GALNT10: variants seen among roughly 807,000 people sequenced by gnomAD.
GALNT10 encodes polypeptide N-acetylgalactosaminyltransferase 10.
A neutral mutation model predicts 75.0 loss-of-function variants in GALNT10; 41 were observed. That is an observed-to-expected ratio of 0.55 (90% CI 0.43 to 0.71). GALNT10 has a LOEUF of 0.71. GALNT10 is among the 30% of genes least tolerant of loss of function. The pLI is 0.00. For missense variants in GALNT10, 727 were observed against 818.5 expected, an observed-to-expected ratio of 0.89 and a Z score of 1.36; for synonymous variants, 302 against 313.0, an observed-to-expected ratio of 0.96 and a Z score of 0.37.
In GALNT10 at chr5:154,409,938, G is replaced by A. The variant is rs1756362168; in HGVS notation, c.1386+176G>A. On this transcript the variant is annotated intron_variant, in intron 9 of 11. Transcript: ENST00000297107. The surrounding 1 kb of genome is among the most constrained non-coding windows in gnomAD (Gnocchi z 4.5). ...TGTCATGGTGTATTTTTACTTGTTAGTTAGTGTTCTCAGTGTAGAAAAATT... is the reference window on the plus strand; with the variant it reads ...TGTCATGGTGTATTTTTACTTGTTAATTAGTGTTCTCAGTGTAGAAAAATT... 6.6e-6 allele frequency among the ~76,000 whole-genome samples: 1 copy of A among 152,122 alleles called. No individual in the cohort carries two copies. Among genetic ancestry groups the A allele is most frequent in the African/African-American group, 2.4e-5 (1 of 41,436 alleles).
At chr5:154,349,572 T>C (rs1442742131) in intron 4 of GALNT10, 1 of 151,984 alleles carries the variant, frequency 6.6e-6, no homozygotes, top group Non-Finnish European at 1.5e-5. Context: ...GGTGACCTCC[T>C]AGGAGCAGGG....
At chr5:154,248,675 A>G (rs565388598) in intron 1 of GALNT10, among the ~76,000 whole-genome samples, 59 of 152,164 alleles carry the variant, frequency 3.9e-4, no homozygotes, top group Non-Finnish European at 7.5e-4. Flanking sequence ...ATCATTTTTT[A>G]TTGCGTCTAT....
chr5:154,381,728 T>C (rs1306955753), intron 6 of GALNT10, among the ~76,000 whole-genome samples: 1 of 152,200 alleles, frequency 6.6e-6, no homozygotes, highest in Non-Finnish European at 1.5e-5. Context: ...ATTCCTTGGC[T>C]CATGGCCCCT....
At chr5:154,289,309 C>T (rs1052205183) in intron 1 of GALNT10, among the ~76,000 whole-genome samples, 1 of 152,200 alleles carries the variant, frequency 6.6e-6, no homozygotes, top group African/African-American at 2.4e-5. Context: ...GGAAATTGGG[C>T]TCCACCTGCC....
At chr5:154,191,057 AC>A in intron 1 of GALNT10, 32 bp downstream of exon 1, 2 of 1,350,470 alleles carry the variant, frequency 1.5e-6, no homozygotes, top group Admixed American at 2.8e-5. Flanking sequence ...GGCCGGGAAC[AC>A]CCCCTTCCCG....
intron 4 of GALNT10, among the ~76,000 whole-genome samples, chr5:154,363,492 GAAAAAAAAAAAAAAA>G (rs57710576): frequency 4.0e-4 from 15 of 37,520 alleles, no homozygotes; most frequent in East Asian, 1.1e-3. Flanking sequence ...GCGTTTATCT[GAAAAAAAAAAAAAAA>G]AAAAAAAAAA....
rs34086082 is a variant in GALNT10 at position 154,310,441 on chromosome 5, G to GTT, written c.401+12372_401+12373dup. Reference sequence around the variant, plus strand: ...TTTGGACCATCACTGGGTTTTTTTTGTTTTTTTTTTTGTTTGTTTGTTTGT... The same window carrying GTT: ...TTTGGACCATCACTGGGTTTTTTTTGTTTTTTTTTTTTTGTTTGTTTGTTTGT... On this transcript the variant is annotated intron_variant, in intron 3 of 11. Transcript: ENST00000297107. Among the ~76,000 whole-genome samples, 155 of 149,652 alleles carry GTT rather than the reference G, an allele frequency of 1.0e-3. 1 individual carries two copies. The highest frequency in any genetic ancestry group is 3.8e-3 in the African/African-American group (152 of 40,246).
At chr5:154,401,849 G>GTTTT (rs1756173164) in intron 7 of GALNT10, among the ~76,000 whole-genome samples, 4 of 152,194 alleles carry the variant, frequency 2.6e-5, no homozygotes, top group Non-Finnish European at 5.9e-5. Context: ...ACCTCATCGA[G>GTTTT]CAGTTCCAAC....
At chr5:154,330,781 G>A (rs962489115) in intron 4 of GALNT10, among the ~76,000 whole-genome samples, 43 of 152,302 alleles carry the variant, frequency 2.8e-4, no homozygotes, top group African/African-American at 1.0e-3. Flanking sequence ...AAGAGAGGGA[G>A]TATGCGTGCA....
intron 7 of GALNT10, among the ~76,000 whole-genome samples, chr5:154,399,929 G>A (rs1306464182): frequency 6.6e-6 from 1 of 152,112 alleles, no homozygotes; most frequent in Non-Finnish European, 1.5e-5. Context: ...GACTGCTTGA[G>A]CCCAGGAGTT....
rs1402288328 is a variant in GALNT10, at chr5:154,376,214, A to G, written c.569-63A>G. ...GTGAAGTGCAGTTCACATGTAAGGG[A>G]GGAGTCATAAGGATGACTACTAAGC... On this transcript the variant is annotated intron_variant, in intron 4 of 11. Transcript: ENST00000297107. This position sits in a 1 kb window ranked among gnomAD's most constrained non-coding sequence, Gnocchi z 4.1. 1 of 1,014,724 alleles carries G rather than the reference A, an allele frequency of 9.9e-7. No individual in the cohort carries two copies. The highest frequency in any genetic ancestry group is 1.6e-5 in the African/African-American group (1 of 62,070). The allele number at this position is 1,014,724 out of a possible 1,614,324, so 62.9% of individuals were successfully genotyped here.
At chr5:154,212,098 C>T (rs1253081064) in intron 1 of GALNT10, among the ~76,000 whole-genome samples, 1 of 152,146 alleles carries the variant, frequency 6.6e-6, no homozygotes, top group Non-Finnish European at 1.5e-5. Flanking sequence ...GTCTGCCCTC[C>T]AGAAGTTTAC....
intron 1 of GALNT10, among the ~76,000 whole-genome samples, chr5:154,246,925 G>C (rs1753435031): frequency 6.6e-6 from 1 of 152,170 alleles, no homozygotes; most frequent in African/African-American, 2.4e-5. Flanking sequence ...TTTTCTTCTA[G>C]GGTTTTTATG....
At chr5:154,347,516 C>T (rs1755148171) in intron 4 of GALNT10, among the ~76,000 whole-genome samples, 2 of 151,948 alleles carry the variant, frequency 1.3e-5, no homozygotes, top group African/African-American at 4.8e-5. Context: ...GCATGCACCA[C>T]CACACCCAGC....
intron 1 of GALNT10, among the ~76,000 whole-genome samples, chr5:154,228,135 A>T (rs1051003581): frequency 6.6e-6 from 1 of 152,194 alleles, no homozygotes; most frequent in Non-Finnish European, 1.5e-5. Context: ...AGCCAAACAG[A>T]TGCTGGCACC....
intron 6 of GALNT10, among the ~76,000 whole-genome samples, chr5:154,385,292 CAGTCAGCA>C (rs1755792325): frequency 6.6e-6 from 1 of 152,206 alleles, no homozygotes; most frequent in Non-Finnish European, 1.5e-5. Context: ...GGGACGCTGA[CAGTCAGCA>C]GCATGACGTT....
chr5:154,321,078 AAC>A (rs1168149599), intron 3 of GALNT10, among the ~76,000 whole-genome samples: 1 of 152,190 alleles, frequency 6.6e-6, no homozygotes, highest in Non-Finnish European at 1.5e-5. Flanking sequence ...TTATACAGCG[AAC>A]ACCCATGTTC....
At chr5:154,201,626 T>TA (rs1230605950) in intron 1 of GALNT10, among the ~76,000 whole-genome samples, 2 of 152,026 alleles carry the variant, frequency 1.3e-5, no homozygotes, top group Non-Finnish European at 2.9e-5. Flanking sequence ...TGCTCTAGAT[T>TA]TGTTAGAAAT....
chr5:154,348,375 G>T (rs568648483), intron 4 of GALNT10, among the ~76,000 whole-genome samples: 9 of 152,078 alleles, frequency 5.9e-5, no homozygotes, highest in African/African-American at 1.9e-4. Context: ...CCTCCAAGTC[G>T]CGCTATTCAT....
Sources: gnomAD v4.1 joint callset for allele counts (sites outside exome capture counted in the v4.1 genomes callset) on GRCh38, gnomAD v4.1.1 for gene constraint, Gnocchi (gnomAD v3.1) non-coding constraint, MANE v1.5 for transcripts, NCBI Gene and HGNC (gene_info 2026-07-23, HGNC 2026-07-21) for gene names.